The following TMC3 variants were observed in gnomAD, a reference collection of about 807,000 sequenced individuals.
TMC3 encodes transmembrane channel-like protein 3.
In TMC3, 98 loss-of-function variants were observed where a neutral mutation model predicts 110.6. The observed-to-expected ratio is 0.89, with a 90% CI of 0.75 to 1.05. The LOEUF is 1.05. Among genes scored for constraint, TMC3 ranks in the 50% least tolerant of loss-of-function variants. The pLI, the probability that TMC3 is intolerant of heterozygous loss-of-function variation, is 0.00. For synonymous variants in TMC3, 489 were observed against 513.1 expected (o/e 0.95, Z 0.63); for missense variants, 1,319 against 1,373.2 (o/e 0.96, Z 0.62).
At chr15:81,338,191 A>G (rs1354817456) in intron 18 of TMC3, among the ~76,000 whole-genome samples, 2 of 152,206 alleles carry the variant, frequency 1.3e-5, no homozygotes, top group African/African-American at 4.8e-5. Flanking sequence ...ATAAGGAAGA[A>G]CTGAAAATGG....
chr15:81,360,812 A>T (rs1313056767), intron 4 of TMC3, among the ~76,000 whole-genome samples: 2 of 152,004 alleles, frequency 1.3e-5, no homozygotes, highest in African/African-American at 4.8e-5. Flanking sequence ...GGGTGATAGG[A>T]GGTAGTCCTG....
At chr15:81,357,062 C>A (rs1276019139) in intron 7 of TMC3, among the ~76,000 whole-genome samples, 1 of 152,124 alleles carries the variant, frequency 6.6e-6, no homozygotes, top group Non-Finnish European at 1.5e-5. Context: ...AGTCATCAAC[C>A]CTCCTTAGGT....
chr15:81,365,247 AGG>A, intron 3 of TMC3, among the ~76,000 whole-genome samples: 1 of 152,132 alleles, frequency 6.6e-6, no homozygotes, highest in South Asian at 2.1e-4. Flanking sequence ...GTGGGAGAGG[AGG>A]GGAAAATGAG....
At chr15:81,366,553 T>A (rs1008305799) in intron 3 of TMC3, among the ~76,000 whole-genome samples, 1 of 152,230 alleles carries the variant, frequency 6.6e-6, no homozygotes, top group African/African-American at 2.4e-5. Context: ...CATTGTTATA[T>A]ATATATTATA....
intron 12 of TMC3, among the ~76,000 whole-genome samples, 165 bp downstream of exon 12, chr15:81,346,200 T>C (rs1893825045): frequency 6.6e-6 from 1 of 152,204 alleles, no homozygotes; most frequent in South Asian, 2.1e-4. Context: ...AGGGATCATT[T>C]TTCTCTCCTT....
chr15:81,340,320 G>T (rs1217964637), intron 16 of TMC3, among the ~76,000 whole-genome samples: 1 of 152,126 alleles, frequency 6.6e-6, no homozygotes, highest in Non-Finnish European at 1.5e-5. Flanking sequence ...AGAGTGATAA[G>T]TTGTGAAACT....
chr15:81,340,088 G>A (rs1258578785), intron 16 of TMC3, among the ~76,000 whole-genome samples: 1 of 152,196 alleles, frequency 6.6e-6, no homozygotes, highest in African/African-American at 2.4e-5. Flanking sequence ...GATGCCCAGA[G>A]CTCCCCTGAG....
chr15:81,336,959 G>A (rs986322338), intron 19 of TMC3, among the ~76,000 whole-genome samples: 5 of 152,066 alleles, frequency 3.3e-5, no homozygotes, highest in Non-Finnish European at 7.4e-5. Flanking sequence ...AATACAGATC[G>A]ACAACACTGG....
chr15:81,370,836 A>G (rs1894418283), intron 2 of TMC3, among the ~76,000 whole-genome samples: 1 of 151,886 alleles, frequency 6.6e-6, no homozygotes, highest in South Asian at 2.1e-4. Context: ...CACCATGCCC[A>G]ACTAATTTTT....
rs1207425092 is a variant in TMC3, at chr15:81,333,036, A to G, written c.2686T>C (p.Tyr896His). Residue 896 changes from tyrosine to histidine, a missense_variant, in exon 22 of 22, where the codon TAC (tyrosine) becomes CAC (histidine). Tyr to His is a moderately conservative substitution (Grantham distance 83, BLOSUM62 2). Coordinates refer to ENST00000359440, the MANE Select transcript of TMC3 (RefSeq NM_001080532.3). ...RYYVINECDS[Y>H]KKKHLNVWPE... ...CAGACATTTAGATGTTTTTTCTTGT[A>G]AGAGTCACATTCATTAATGACATAG... 1 of 1,613,688 alleles carries G rather than the reference A, an allele frequency of 6.2e-7. No homozygotes were observed. The highest frequency in any genetic ancestry group is 2.2e-5 in the East Asian group (1 of 44,882).
rs1486434750 is a variant in TMC3, at chr15:81,358,383, G to A, written c.600+19C>T. On this transcript the variant is annotated intron_variant, in intron 6 of 21. Transcript: ENST00000359440. The stretch of plus-strand genomic sequence containing the variant: ...ACCCCTTCCCTCAAGACAAGAGTGT[G>A]GCCAAGCATCAATCTCACCCCCAGA... The A allele has an allele frequency of 6.2e-7, 1 of 1,608,954 alleles. No homozygotes were observed. The highest frequency in any genetic ancestry group is 2.2e-5 in the East Asian group (1 of 44,826).
At chr15:81,361,636 ACT>A (rs1430115766) in intron 4 of TMC3, among the ~76,000 whole-genome samples, 2 of 152,072 alleles carry the variant, frequency 1.3e-5, no homozygotes, top group Non-Finnish European at 2.9e-5. Flanking sequence ...ATTGCATCAA[ACT>A]TGTAAATTAA....
At chr15:81,348,804 T>A (rs1429308843) in intron 11 of TMC3, among the ~76,000 whole-genome samples, 2 of 152,092 alleles carry the variant, frequency 1.3e-5, no homozygotes, top group Non-Finnish European at 2.9e-5. Flanking sequence ...GGTTCCCTTT[T>A]GTTCATTTGT....
At chr15:81,357,306 T>A (rs1355881351) in intron 7 of TMC3, among the ~76,000 whole-genome samples, 1 of 151,940 alleles carries the variant, frequency 6.6e-6, no homozygotes, top group African/African-American at 2.4e-5. Context: ...TTGTTTATTG[T>A]CTTTTTTTAC....
intron 10 of TMC3, among the ~76,000 whole-genome samples, chr15:81,351,254 G>A (rs1290787639): frequency 6.6e-6 from 1 of 151,922 alleles, no homozygotes; most frequent in African/African-American, 2.4e-5. Context: ...AATGCTCTAG[G>A]ACAAGAGGAC....
At chr15:81,343,605 A>G (rs1161876450) in intron 14 of TMC3, among the ~76,000 whole-genome samples, 1 of 152,040 alleles carries the variant, frequency 6.6e-6, no homozygotes, top group Non-Finnish European at 1.5e-5. Context: ...CCTGGGCAAC[A>G]TAGTGAGACC....
At chr15:81,333,286 A>ACCACAAG in intron 21 of TMC3, 24 bp from the exon 22 acceptor site, 1 of 1,577,136 alleles carries the variant, frequency 6.3e-7, no homozygotes, top group Non-Finnish European at 8.6e-7. Context: ...GCGGTTAAGT[A>ACCACAAG]GCTGTGGCCT....
chr15:81,341,203 A>G (rs1282525710), intron 16 of TMC3, among the ~76,000 whole-genome samples, 187 bp downstream of exon 16: 2 of 152,208 alleles, frequency 1.3e-5, no homozygotes, highest in Admixed American at 6.5e-5. Context: ...CAAGAGGAGT[A>G]ATGATTCATT....
At chr15:81,347,704 A>G (rs1203063387) in intron 11 of TMC3, among the ~76,000 whole-genome samples, 2 of 152,140 alleles carry the variant, frequency 1.3e-5, no homozygotes, top group African/African-American at 4.8e-5. Context: ...TGTCTGGGGG[A>G]AGTCTCTGAT....
Sources: allele counts gnomAD v4.1 joint callset (sites outside exome capture counted in the v4.1 genomes callset), GRCh38; gene constraint gnomAD v4.1.1; transcripts MANE v1.5; gene names NCBI Gene and HGNC (gene_info 2026-07-23, HGNC 2026-07-21).